PTPRN2: variants seen among roughly 807,000 people sequenced by gnomAD.
The protein encoded by PTPRN2 is receptor-type tyrosine-protein phosphatase N2.
Under a neutral mutation model 118.8 loss-of-function variants are expected in PTPRN2, and 74 were observed. The ratio of observed to expected loss-of-function variants is 0.62; its 90% CI spans 0.52 to 0.76. PTPRN2 has a LOEUF of 0.76. PTPRN2 is among the 30% of genes least tolerant of loss of function. The pLI is 0.00. For synonymous variants in PTPRN2, 641 were observed against 608.0 expected (o/e 1.05, Z -0.80); for missense variants, 1,481 against 1,394.4 (o/e 1.06, Z -0.99).
intron 4 of PTPRN2, among the ~76,000 whole-genome samples, chr7:158,194,116 C>T (rs150714137): frequency 2.8e-3 from 415 of 150,086 alleles, no homozygotes; most frequent in African/African-American, 9.8e-3. Flanking sequence ...TGTGCACGCG[C>T]GCGCATGTGC....
At chr7:158,195,883 A>T (rs1349862174) in intron 4 of PTPRN2, among the ~76,000 whole-genome samples, 3 of 152,152 alleles carry the variant, frequency 2.0e-5, no homozygotes, top group Admixed American at 6.5e-5. Context: ...TGGGTGATGG[A>T]CATTTGCAAT....
chr7:158,173,592 G>T (rs1277708599), intron 5 of PTPRN2, among the ~76,000 whole-genome samples: 1 of 152,186 alleles, frequency 6.6e-6, no homozygotes, highest in Non-Finnish European at 1.5e-5. Flanking sequence ...AACAGGGTTC[G>T]AGAGCAGACA....
At position 157,893,002 on chromosome 7, in the gene PTPRN2, TC is replaced by T. The variant is rs1227451383; in HGVS notation, c.1788+5670del. Among the ~76,000 whole-genome samples, 1 of 152,232 alleles carries T rather than the reference TC, an allele frequency of 6.6e-6. No individual in the cohort carries two copies. Among genetic ancestry groups the T allele is most frequent in the East Asian group, 1.9e-4 (1 of 5,198 alleles). On this transcript the variant is annotated intron_variant, in intron 12 of 22. Transcript: ENST00000389418. The surrounding 1 kb of genome is among the most constrained non-coding windows in gnomAD (Gnocchi z 4.0). ...GCTTGAGGGCCCTCTGGGCACGATG[TC>T]CGTGGGGTCAAGAGCTCGAGAAGAA...
chr7:158,511,504 C>T (rs868736255), intron 1 of PTPRN2, among the ~76,000 whole-genome samples: 2 of 152,190 alleles, frequency 1.3e-5, no homozygotes, highest in East Asian at 1.9e-4. Flanking sequence ...GGTCCCAACA[C>T]GAAAAAGGAG....
intron 3 of PTPRN2, among the ~76,000 whole-genome samples, chr7:158,246,623 C>A (rs1372466391): frequency 6.6e-6 from 1 of 151,678 alleles, no homozygotes; most frequent in Non-Finnish European, 1.5e-5. Flanking sequence ...CCTTTTTGAC[C>A]TTTTTAAAGA....
intron 6 of PTPRN2, among the ~76,000 whole-genome samples, chr7:158,139,957 C>G (rs1284347504): frequency 7.7e-6 from 1 of 129,812 alleles, no homozygotes; most frequent in Admixed American, 7.5e-5. Context: ...AAAGCTGAGC[C>G]AGTGGGTCCC....
chr7:158,469,870 C>T (rs1026087968), intron 2 of PTPRN2, among the ~76,000 whole-genome samples: 1 of 146,472 alleles, frequency 6.8e-6, no homozygotes, highest in Non-Finnish European at 1.5e-5. Context: ...GGGATTTGTC[C>T]TAGTGCATCA....
At position 158,317,055 on chromosome 7, in the gene PTPRN2, G is replaced by A. The variant is rs187993133; in HGVS notation, c.164-123C>T. The A allele has an allele frequency of 1.5e-3, 1,008 of 673,190 alleles. 17 individuals are homozygous for A. The highest frequency in any genetic ancestry group is 0.012 in the South Asian group (582 of 47,582). The allele number at this position is 673,190 out of a possible 1,614,324, so 41.7% of individuals were successfully genotyped here. On this transcript the variant is annotated intron_variant, in intron 2 of 22. Coordinates refer to ENST00000389418, the MANE Select transcript of PTPRN2 (RefSeq NM_002847.5). ...CCGCCGTGAGGTTTTGGAGCACGGC[G>A]TCACCAGAGGGCTGTTAGGACCCGG...
At chr7:158,136,445 T>G (rs143668649) in intron 8 of PTPRN2, among the ~76,000 whole-genome samples, 3 of 152,348 alleles carry the variant, frequency 2.0e-5, no homozygotes, top group Admixed American at 6.5e-5. Flanking sequence ...TAAATTAGGT[T>G]ATAATTTGAA....
intron 11 of PTPRN2, among the ~76,000 whole-genome samples, chr7:157,978,182 G>A (rs769454972): frequency 3.9e-5 from 6 of 151,934 alleles, no homozygotes; most frequent in African/African-American, 1.2e-4. Context: ...TGGAAGACAC[G>A]GCTCCTCTGG....
intron 12 of PTPRN2, among the ~76,000 whole-genome samples, chr7:157,737,879 G>C (rs989203749): frequency 1.3e-5 from 2 of 152,236 alleles, no homozygotes; most frequent in Admixed American, 6.5e-5. Context: ...CTGGTGTCTG[G>C]GCGGGGGAGG....
intron 14 of PTPRN2, among the ~76,000 whole-genome samples, chr7:157,639,900 A>AT (rs536188076): frequency 1.4e-3 from 214 of 152,300 alleles, no homozygotes; most frequent in Non-Finnish European, 2.6e-3. Context: ...GCTCAAACAC[A>AT]TGAGTGATCT....
At chr7:158,024,968 G>A (rs1349893100) in intron 11 of PTPRN2, among the ~76,000 whole-genome samples, 2 of 152,212 alleles carry the variant, frequency 1.3e-5, no homozygotes, top group East Asian at 3.9e-4. Context: ...GTCCTTGTCT[G>A]CTTGATTGTG....
At position 158,289,043 on chromosome 7, in the gene PTPRN2, C is replaced by A. The variant is rs945626850; in HGVS notation, c.277+27776G>T. The stretch of plus-strand genomic sequence containing the variant: ...TTTCTGCTGAGAAGTCTGCTATAAA[C>A]CTTCCTGTAACTCCTTTATATGTGA... On this transcript the variant is annotated intron_variant, in intron 3 of 22. Transcript: ENST00000389418. Among the ~76,000 whole-genome samples the A allele has an allele frequency of 5.9e-5, 9 of 152,260 alleles. No homozygotes were observed. In the East Asian group the frequency reaches 1.5e-3, roughly 26 times the overall value.
intron 9 of PTPRN2, among the ~76,000 whole-genome samples, chr7:158,131,066 C>T (rs921457885): frequency 2.0e-4 from 4 of 20,174 alleles, no homozygotes; most frequent in African/African-American, 1.6e-3. Context: ...ACCTGCCCAA[C>T]ACACACACTT....
chr7:158,349,972 T>C (rs1453100), intron 2 of PTPRN2, among the ~76,000 whole-genome samples: 145,419 of 152,174 alleles, frequency 0.96, 69,512 homozygotes, highest in Non-Finnish European at 0.96. Context: ...CGCTCACGTG[T>C]TCCCCTTTGC....
chr7:158,455,757 A>AGGG, intron 2 of PTPRN2, among the ~76,000 whole-genome samples: 1 of 147,858 alleles, frequency 6.8e-6, no homozygotes, highest in African/African-American at 2.5e-5. Context: ...AGAGAAGACA[A>AGGG]CGGCATGGAC....
At position 158,482,415 on chromosome 7, in the gene PTPRN2, A is replaced by G. The variant is rs1381805338; in HGVS notation, c.163+7320T>C. Among the ~76,000 whole-genome samples the G allele has an allele frequency of 2.6e-5, 4 of 152,350 alleles. No homozygotes were observed. In the East Asian group the frequency reaches 7.7e-4, roughly 29 times the overall value. ...AATTAACACAGTTGCCCCAAGCTTC[A>G]AGCAACCACGGCCCTGATCAATCAG... On this transcript the variant is annotated intron_variant, in intron 2 of 22. Coordinates refer to ENST00000389418, the MANE Select transcript of PTPRN2 (RefSeq NM_002847.5).
At chr7:158,445,461 C>T (rs982685750) in intron 2 of PTPRN2, among the ~76,000 whole-genome samples, 1 of 152,220 alleles carries the variant, frequency 6.6e-6, no homozygotes, top group African/African-American at 2.4e-5. Context: ...GCGCCAGAAA[C>T]CCCAAGGAGG....
Sources: gnomAD v4.1 joint callset for allele counts (sites outside exome capture counted in the v4.1 genomes callset) on GRCh38, gnomAD v4.1.1 for gene constraint, Gnocchi (gnomAD v3.1) non-coding constraint, MANE v1.5 for transcripts, NCBI Gene and HGNC (gene_info 2026-07-23, HGNC 2026-07-21) for gene names.